The following RBPMS variants were observed in gnomAD, a reference collection of about 807,000 sequenced individuals.
The protein encoded by RBPMS is RNA binding protein, mRNA processing factor.
RBPMS carries 7 observed loss-of-function variants against 26.8 expected under a neutral mutation model. The ratio of observed to expected loss-of-function variants is 0.26; its 90% CI spans 0.15 to 0.49. The LOEUF is 0.49. Ranked by LOEUF, RBPMS falls within the 20% of genes least tolerant of loss-of-function variation. The pLI, the probability that RBPMS is intolerant of heterozygous loss-of-function variation, is 0.98. For synonymous variants in RBPMS, 96 were observed against 93.3 expected, an observed-to-expected ratio of 1.03 and a Z score of -0.17; for missense variants, 186 against 250.0, an observed-to-expected ratio of 0.74 and a Z score of 1.73.
At chr8:30,538,478 A>G (rs1057439512) in intron 5 of RBPMS, among the ~76,000 whole-genome samples, 52 of 150,944 alleles carry the variant, frequency 3.4e-4, no homozygotes, top group African/African-American at 1.2e-3. Context: ...CTGATCTTGA[A>G]CTCCTGACCT....
At chr8:30,385,324 G>T (rs908627655) in intron 1 of RBPMS, 166 bp downstream of exon 1, 1 of 455,052 alleles carries the variant, frequency 2.2e-6, no homozygotes, top group African/African-American at 2.1e-5. Flanking sequence ...GGGAGCGTGT[G>T]TTTTTGTGTC....
chr8:30,413,015 G>A (rs1481701916), intron 1 of RBPMS, among the ~76,000 whole-genome samples: 1 of 152,222 alleles, frequency 6.6e-6, no homozygotes, highest in Non-Finnish European at 1.5e-5. Flanking sequence ...TGAAGTCCAA[G>A]GTGGTGTCTG....
At chr8:30,488,297 A>G (rs940841109) in intron 4 of RBPMS, among the ~76,000 whole-genome samples, 1 of 152,244 alleles carries the variant, frequency 6.6e-6, no homozygotes, top group African/African-American at 2.4e-5. Flanking sequence ...CATTATTTGT[A>G]TGTGTACTTT....
At chr8:30,510,635 T>G (rs1275709458) in intron 5 of RBPMS, among the ~76,000 whole-genome samples, 1 of 152,038 alleles carries the variant, frequency 6.6e-6, no homozygotes, top group Non-Finnish European at 1.5e-5. Context: ...CAGGCAGGAG[T>G]TCAGTGGCAC....
chr8:30,547,709 C>A (rs577167028), intron 6 of RBPMS, among the ~76,000 whole-genome samples: 1 of 152,342 alleles, frequency 6.6e-6, no homozygotes, highest in South Asian at 2.1e-4. Context: ...CTTGTCTCTC[C>A]CTGGGCTCCC....
rs36017963 is a variant in RBPMS at position 30,519,458 on chromosome 8, CTTTTTTTTTTTTTTTTTTT to C, written c.397+15046_397+15064del. On this transcript the variant is annotated intron_variant, in intron 5 of 8. Transcript: ENST00000397323. ...TCACCCTACGTGGGAGGATCTCTCT[CTTTTTTTTTTTTTTTTTTT>C]TTTTTTTTTTTTTTTTTTTTTTTGG... 1.6e-4 allele frequency among the ~76,000 whole-genome samples: 14 copies of C among 89,490 alleles called. 1 individual carries two copies. Among genetic ancestry groups the C allele is most frequent in the Admixed American group, 1.4e-3 (9 of 6,628 alleles). 58.7% of individuals were successfully genotyped at this position (89,490 alleles called of 152,430 possible).
chr8:30,545,271 A>AT, intron 6 of RBPMS: 1 of 1,212,460 alleles, frequency 8.2e-7, no homozygotes, highest in Non-Finnish European at 1.0e-6. Flanking sequence ...AAATAGCCTG[A>AT]TTTTTATAAA....
At chr8:30,410,340 C>T (rs1043201551) in intron 1 of RBPMS, among the ~76,000 whole-genome samples, 1 of 152,152 alleles carries the variant, frequency 6.6e-6, no homozygotes, top group South Asian at 2.1e-4. Flanking sequence ...TCCCAAGTAG[C>T]TGGGACTACA....
intron 5 of RBPMS, among the ~76,000 whole-genome samples, chr8:30,531,703 A>G (rs1213672702): frequency 6.6e-6 from 1 of 152,240 alleles, no homozygotes; most frequent in Admixed American, 6.5e-5. Context: ...CGGAAAGTCA[A>G]CAGTGTGACT....
intron 1 of RBPMS, among the ~76,000 whole-genome samples, chr8:30,425,864 A>G (rs1298404678): frequency 2.6e-5 from 4 of 152,096 alleles, no homozygotes; most frequent in Non-Finnish European, 5.9e-5. Context: ...TTTCATGGGT[A>G]AAAAAACAGC....
intron 1 of RBPMS, among the ~76,000 whole-genome samples, chr8:30,439,800 T>C (rs1585465620): frequency 6.6e-6 from 1 of 152,286 alleles, no homozygotes; most frequent in East Asian, 1.9e-4. Flanking sequence ...TATAGACATG[T>C]ACCACTTTGC....
chr8:30,473,924 T>C (rs1817410301), intron 1 of RBPMS, among the ~76,000 whole-genome samples: 1 of 151,906 alleles, frequency 6.6e-6, no homozygotes, highest in African/African-American at 2.4e-5. Context: ...ATAACACACA[T>C]TGGGCTTGTC....
intron 6 of RBPMS, chr8:30,547,432 G>C: frequency 2.5e-6 from 4 of 1,587,014 alleles, no homozygotes; most frequent in Non-Finnish European, 3.4e-6. Flanking sequence ...GAATTTGTTT[G>C]TTAGCTATTT....
intron 5 of RBPMS, among the ~76,000 whole-genome samples, chr8:30,523,725 T>G (rs2150991668): frequency 6.6e-6 from 1 of 152,064 alleles, no homozygotes; most frequent in African/African-American, 2.4e-5. Context: ...TATAGACACA[T>G]TTTGTGTTCT....
chr8:30,431,973 A>T (rs1811987134), intron 1 of RBPMS, among the ~76,000 whole-genome samples: 1 of 151,874 alleles, frequency 6.6e-6, no homozygotes, highest in East Asian at 1.9e-4. Context: ...CATTAAAAAA[A>T]AAATGTTAGC....
Position 30,538,166 on chromosome 8 carries a change from G to A in RBPMS, c.398-6328G>A, listed in dbSNP as rs1158221329. On this transcript the variant is annotated intron_variant, in intron 5 of 8. Transcript: ENST00000397323. ...TGATTTCTCCTCATGACTGCAGCAC[G>A]TAGTACAGTTGGTTCCCTGTACAGA... Among the ~76,000 whole-genome samples, 3 of 152,288 alleles carry A rather than the reference G, an allele frequency of 2.0e-5. No homozygotes were observed. The East Asian group carries it at 5.8e-4, about 29-fold the overall frequency.
intron 5 of RBPMS, among the ~76,000 whole-genome samples, chr8:30,540,598 A>AT (rs1374204342): frequency 3.3e-5 from 5 of 151,964 alleles, no homozygotes; most frequent in Non-Finnish European, 7.4e-5. Context: ...GCTAATATAT[A>AT]TTTTTTTAAG....
chr8:30,498,075 T>C (rs1340500101), intron 4 of RBPMS, among the ~76,000 whole-genome samples: 1 of 150,966 alleles, frequency 6.6e-6, no homozygotes, highest in Non-Finnish European at 1.5e-5. Context: ...CGTATATTAC[T>C]ACTACCTTAC....
At chr8:30,551,888 C>T (rs1313240771) in intron 6 of RBPMS, among the ~76,000 whole-genome samples, 3 of 152,184 alleles carry the variant, frequency 2.0e-5, no homozygotes, top group African/African-American at 7.2e-5. Context: ...GAAGAATGAA[C>T]ATCTCCATGG....
Sources: gnomAD v4.1 joint callset for allele counts (sites outside exome capture counted in the v4.1 genomes callset) on GRCh38, gnomAD v4.1.1 for gene constraint, MANE v1.5 for transcripts, NCBI Gene and HGNC (gene_info 2026-07-23, HGNC 2026-07-21) for gene names.